Variants in CLINT1 observed in about 807,000 individuals in gnomAD.
CLINT1 encodes the protein clathrin interacting protein localized in the trans-Golgi region.
CLINT1 carries 15 observed loss-of-function variants against 70.4 expected under a neutral mutation model. The ratio of observed to expected loss-of-function variants is 0.21; its 90% CI spans 0.14 to 0.33. The LOEUF (loss-of-function observed/expected upper bound fraction) is 0.33, where lower values mean the gene tolerates loss of function less well. Among genes scored for constraint, CLINT1 ranks in the 10% least tolerant of loss-of-function variants. The probability of loss-of-function intolerance (pLI) is 1.00; values close to 1 mark genes in which losing one functional copy is unlikely to be tolerated. For synonymous variants in CLINT1, 227 were observed against 254.7 expected, an observed-to-expected ratio of 0.89 and a Z score of 1.04; for missense variants, 615 against 778.1, an observed-to-expected ratio of 0.79 and a Z score of 2.49.
At chr5:157,839,626 C>CAA (rs111671132) in intron 1 of CLINT1, among the ~76,000 whole-genome samples, 4 of 146,498 alleles carry the variant, frequency 2.7e-5, no homozygotes, top group African/African-American at 7.6e-5. Context: ...AAAAAACAAA[C>CAA]AAAAAAAAAC....
intron 1 of CLINT1, among the ~76,000 whole-genome samples, chr5:157,848,864 G>A (rs1027566315): frequency 1.3e-5 from 2 of 151,734 alleles, no homozygotes; most frequent in African/African-American, 4.8e-5. Flanking sequence ...GTTTCACCAC[G>A]TTGGCCAGGT....
chr5:157,830,444 T>G (rs988685413), intron 1 of CLINT1, among the ~76,000 whole-genome samples: 1 of 152,154 alleles, frequency 6.6e-6, no homozygotes, highest in African/African-American at 2.4e-5. Flanking sequence ...TTAAAACTCG[T>G]TTTTTACTGT....
chr5:157,829,290 T>C (rs2113256692), intron 1 of CLINT1, among the ~76,000 whole-genome samples: 1 of 152,352 alleles, frequency 6.6e-6, no homozygotes, highest in East Asian at 1.9e-4. Flanking sequence ...TTCCAGCTGA[T>C]TTCTCTTATT....
chr5:157,852,758 T>C (rs1052894512), intron 1 of CLINT1, among the ~76,000 whole-genome samples: 4 of 152,216 alleles, frequency 2.6e-5, no homozygotes, highest in Non-Finnish European at 4.4e-5. Context: ...CCCACATTTA[T>C]TAAACACCAT....
chr5:157,843,516 G>A (rs1252459295), intron 1 of CLINT1, among the ~76,000 whole-genome samples: 3 of 152,106 alleles, frequency 2.0e-5, no homozygotes, highest in Non-Finnish European at 4.4e-5. Flanking sequence ...TAACAGACCT[G>A]GAAGGTAGAC....
chr5:157,803,553 A>C (rs1316432249), intron 8 of CLINT1, 97 bp downstream of exon 8: 1 of 762,302 alleles, frequency 1.3e-6, no homozygotes, highest in Non-Finnish European at 1.9e-6. Context: ...AAATGAACCC[A>C]ATGCAAATAA....
Position 157,788,115 on chromosome 5 carries a change from AG to A in CLINT1, c.1532-124del, listed in dbSNP as rs1357652675. On this transcript the variant is annotated intron_variant, in intron 11 of 11. Coordinates refer to ENST00000411809, the MANE Select transcript of CLINT1 (RefSeq NM_014666.4). ...TTTAGCCCCAATAAAATTCCTTTACAGTGATTTTATTAGAAATCAATTACTC... is the reference window on the plus strand; with the variant it reads ...TTTAGCCCCAATAAAATTCCTTTACATGATTTTATTAGAAATCAATTACTC... 3 of 802,986 alleles carry A rather than the reference AG, an allele frequency of 3.7e-6. No individual in the cohort carries two copies. In the African/African-American group the frequency reaches 5.1e-5, roughly 14 times the overall value. 49.7% of individuals were successfully genotyped at this position (802,986 alleles called of 1,614,324 possible). A position where few individuals can be genotyped will look rare whatever the true frequency, so the allele number is the denominator to read the frequency against.
intron 5 of CLINT1, among the ~76,000 whole-genome samples, chr5:157,810,699 G>A (rs1458946068): frequency 6.6e-6 from 1 of 152,172 alleles, no homozygotes; most frequent in African/African-American, 2.4e-5. Flanking sequence ...AGAAGCAACA[G>A]TAGAAGGTAC....
At chr5:157,824,610 G>A (rs1009926189) in intron 1 of CLINT1, among the ~76,000 whole-genome samples, 3 of 152,164 alleles carry the variant, frequency 2.0e-5, no homozygotes, top group African/African-American at 7.2e-5. Context: ...TAGTAAACAT[G>A]TTATAAAATA....
At chr5:157,835,100 T>C (rs1315445515) in intron 1 of CLINT1, among the ~76,000 whole-genome samples, 4 of 152,230 alleles carry the variant, frequency 2.6e-5, no homozygotes, top group Non-Finnish European at 4.4e-5. Context: ...ACAAGGGTCC[T>C]TTCTATAATC....
chr5:157,857,615 C>G (rs1259116664), intron 1 of CLINT1, among the ~76,000 whole-genome samples: 1 of 152,142 alleles, frequency 6.6e-6, no homozygotes, highest in African/African-American at 2.4e-5. Flanking sequence ...ACCCTTAAGC[C>G]TCACAACAAC....
intron 2 of CLINT1, 81 bp downstream of exon 2, chr5:157,817,362 T>C: frequency 1.1e-6 from 1 of 911,912 alleles, no homozygotes; most frequent in Middle Eastern, 2.2e-4. Flanking sequence ...CCAAATAGTT[T>C]AAATCTGAAA....
At position 157,803,713 on chromosome 5, in the gene CLINT1, C is replaced by G. The variant is rs748936606; in HGVS notation, c.949G>C (p.Val317Leu). ...TCACCAGATGACTTGCTGCTAGGCA[C>G]TGAAGTCTGAAAACACACACATAAC... ...HTPQSSVKTS[V>L]PSSKSSGDLV... The change falls in exon 8 of 12, where the codon GTG (valine) becomes CTG (leucine). Residue 317 changes from valine (V) to leucine (L), a missense_variant. Physicochemically the swap from Val to Leu is conservative, Grantham distance 32. Transcript: ENST00000411809. 1.9e-6 allele frequency: 3 copies of G among 1,553,470 alleles called. No homozygotes were observed. The highest frequency in any genetic ancestry group is 2.3e-5 in the East Asian group (1 of 43,682).
At chr5:157,794,431 T>C (rs892900404) in intron 9 of CLINT1, among the ~76,000 whole-genome samples, 3 of 152,240 alleles carry the variant, frequency 2.0e-5, no homozygotes, top group South Asian at 2.1e-4. Flanking sequence ...TTTTAGGATA[T>C]GTCAAAATGA....
At chr5:157,852,567 G>A (rs919485389) in intron 1 of CLINT1, among the ~76,000 whole-genome samples, 1 of 152,124 alleles carries the variant, frequency 6.6e-6, no homozygotes, top group Non-Finnish European at 1.5e-5. Context: ...AGTAATAGAT[G>A]TTTCAAGAGT....
At chr5:157,857,195 T>C (rs1322798077) in intron 1 of CLINT1, among the ~76,000 whole-genome samples, 1 of 146,090 alleles carries the variant, frequency 6.8e-6, no homozygotes, top group Non-Finnish European at 1.5e-5. Context: ...TGCAGTGAGT[T>C]ATGAACACAC....
intron 1 of CLINT1, among the ~76,000 whole-genome samples, chr5:157,852,289 T>C (rs898435301): frequency 6.6e-6 from 1 of 152,218 alleles, no homozygotes; most frequent in Admixed American, 6.5e-5. Context: ...GCAATATGCT[T>C]TGCAATATTA....
intron 1 of CLINT1, among the ~76,000 whole-genome samples, chr5:157,827,129 T>A (rs1176670011): frequency 6.6e-6 from 1 of 152,102 alleles, no homozygotes; most frequent in Non-Finnish European, 1.5e-5. Context: ...GCAGAATAAA[T>A]CTTAAAATTT....
chr5:157,815,322 C>T (rs895394045), intron 3 of CLINT1, among the ~76,000 whole-genome samples: 2 of 151,998 alleles, frequency 1.3e-5, no homozygotes, highest in African/African-American at 4.8e-5. Context: ...AACAACCAAC[C>T]CCCACCCCCA....
Sources: allele counts gnomAD v4.1 joint callset (sites outside exome capture counted in the v4.1 genomes callset), GRCh38; gene constraint gnomAD v4.1.1; transcripts MANE v1.5; gene names NCBI Gene and HGNC (gene_info 2026-07-23, HGNC 2026-07-21).